The following TMOD3 variants were observed in gnomAD, a reference collection of about 807,000 sequenced individuals.
The protein encoded by TMOD3 is tropomodulin-3.
A neutral mutation model predicts 39.2 loss-of-function variants in TMOD3; 20 were observed. The observed-to-expected ratio is 0.51, with a 90% confidence interval of 0.36 to 0.74. The LOEUF is 0.74. Among genes scored for constraint, TMOD3 ranks in the 30% least tolerant of loss-of-function variants. The pLI, the probability that TMOD3 is intolerant of heterozygous loss-of-function variation, is 0.00. For missense variants in TMOD3, 381 were observed against 412.8 expected, an observed-to-expected ratio of 0.92 and a Z score of 0.67; for synonymous variants, 143 against 145.8, an observed-to-expected ratio of 0.98 and a Z score of 0.14.
rs1248101316 is a variant in TMOD3, at chr15:51,885,300, T to TTTG, written c.284-2287_284-2286insGTT. On this transcript the variant is annotated intron_variant, in intron 3 of 9. Transcript: ENST00000308580. ...TTCTTTTTTCTTTTTTTTTTTTTTT[T>TTTG]TTAGTATTTATTGATCATTCTTGGG... Among the ~76,000 whole-genome samples, 449 of 150,636 alleles carry TTTG rather than the reference T, an allele frequency of 3.0e-3. 13 individuals are homozygous for TTTG. In the East Asian group the frequency reaches 0.061, roughly 21 times the overall value.
Position 51,908,841 on chromosome 15 carries a change from C to T in TMOD3, c.*31C>T, listed in dbSNP as rs759290865. Reference sequence around the variant, plus strand: ...CAAAGGTGTAATCTTTGGAAGACTTCAGAAGATCACCAAGGGCTCATGTTG... The same window carrying T: ...CAAAGGTGTAATCTTTGGAAGACTTTAGAAGATCACCAAGGGCTCATGTTG... On this transcript the variant is annotated 3_prime_UTR_variant, in exon 10 of 10. Transcript: ENST00000308580. The T allele has an allele frequency of 2.5e-6, 4 of 1,581,412 alleles. No individual in the cohort carries two copies. Among genetic ancestry groups the T allele is most frequent in the South Asian group, 2.4e-5 (2 of 83,892 alleles).
intron 1 of TMOD3, among the ~76,000 whole-genome samples, chr15:51,856,096 C>T (rs1254317049): frequency 6.6e-6 from 1 of 152,124 alleles, no homozygotes; most frequent in Admixed American, 6.5e-5. Context: ...AACACTGTCT[C>T]TACAAAAAAT....
At chr15:51,878,987 A>G (rs1251610552) in intron 3 of TMOD3, among the ~76,000 whole-genome samples, 4 of 152,186 alleles carry the variant, frequency 2.6e-5, no homozygotes, top group African/African-American at 9.7e-5. Flanking sequence ...AATTCTTAAC[A>G]TTTGTTGCAG....
intron 1 of TMOD3, among the ~76,000 whole-genome samples, chr15:51,844,903 T>C (rs965262232): frequency 3.3e-5 from 5 of 152,220 alleles, no homozygotes; most frequent in African/African-American, 1.2e-4. Context: ...CTTAACAACA[T>C]TGGCTCATGC....
At chr15:51,905,380 G>T (rs1490096105) in intron 9 of TMOD3, among the ~76,000 whole-genome samples, 2 of 152,048 alleles carry the variant, frequency 1.3e-5, no homozygotes, top group East Asian at 3.9e-4. Context: ...CTAGCTACTC[G>T]GGAGGGTGAG....
intron 3 of TMOD3, among the ~76,000 whole-genome samples, chr15:51,869,817 A>T (rs576153853): frequency 1.5e-3 from 221 of 152,326 alleles, no homozygotes; most frequent in Non-Finnish European, 2.4e-3. Context: ...CATGGTTATG[A>T]TTGCTAATGC....
At chr15:51,842,446 A>G (rs1279944968) in intron 1 of TMOD3, among the ~76,000 whole-genome samples, 1 of 152,176 alleles carries the variant, frequency 6.6e-6, no homozygotes, top group African/African-American at 2.4e-5. Context: ...TGTGTAAGTC[A>G]TCTTGCCCTT....
At chr15:51,851,887 G>A (rs983641972) in intron 1 of TMOD3, among the ~76,000 whole-genome samples, 13 of 152,144 alleles carry the variant, frequency 8.5e-5, no homozygotes, top group East Asian at 1.9e-4. Context: ...AGCTATTAGC[G>A]TAGTCCTAGG....
Position 51,910,420 on chromosome 15 carries a change from C to G in TMOD3, c.*1610C>G, listed in dbSNP as rs1364462646. ...GTGAAACCCTGTCTCTACTAAAAAT[C>G]AAAAAAGTAGCCGGGTGTGGTGGTG... On this transcript the variant is annotated 3_prime_UTR_variant, in exon 10 of 10. Transcript: ENST00000308580. 1 of 152,062 alleles carries G rather than the reference C, an allele frequency of 6.6e-6. No homozygotes were observed. Among genetic ancestry groups the G allele is most frequent in the Non-Finnish European group, 1.5e-5 (1 of 68,080 alleles). The allele number at this position is 152,062 out of a possible 1,614,324, so 9.4% of individuals were successfully genotyped here. A position where few individuals can be genotyped will look rare whatever the true frequency, so the allele number is the denominator to read the frequency against.
intron 1 of TMOD3, among the ~76,000 whole-genome samples, chr15:51,847,070 A>G (rs1018425310): frequency 1.3e-5 from 2 of 152,134 alleles, no homozygotes; most frequent in East Asian, 3.9e-4. Context: ...CTGGTTTGCT[A>G]CTATTCGTCA....
intron 7 of TMOD3, among the ~76,000 whole-genome samples, chr15:51,897,567 C>G (rs1325225674): frequency 6.7e-6 from 1 of 149,396 alleles, no homozygotes; most frequent in African/African-American, 2.5e-5. Context: ...TCACTGCAAC[C>G]TCCGCCTCCC....
At chr15:51,846,030 T>C (rs957100576) in intron 1 of TMOD3, among the ~76,000 whole-genome samples, 3 of 151,772 alleles carry the variant, frequency 2.0e-5, no homozygotes, top group Admixed American at 1.3e-4. Context: ...AAAAGTACAC[T>C]ACTGACTGAG....
At chr15:51,864,196 G>T (rs1442104882) in intron 2 of TMOD3, among the ~76,000 whole-genome samples, 1 of 150,800 alleles carries the variant, frequency 6.6e-6, no homozygotes, top group Non-Finnish European at 1.5e-5. Flanking sequence ...AGCCAGAGAG[G>T]TGGAAGTTGC....
intron 1 of TMOD3, among the ~76,000 whole-genome samples, chr15:51,856,460 A>G (rs2056388155): frequency 6.6e-6 from 1 of 152,190 alleles, no homozygotes; most frequent in Non-Finnish European, 1.5e-5. Context: ...GGAAAGGAAA[A>G]CCTAGCTAAA....
chr15:51,841,662 T>C (rs2056313229), intron 1 of TMOD3, among the ~76,000 whole-genome samples: 1 of 152,234 alleles, frequency 6.6e-6, no homozygotes, highest in Non-Finnish European at 1.5e-5. Context: ...TTAATTTGTT[T>C]TTCTTTCTGC....
intron 1 of TMOD3, chr15:51,859,554 G>T: frequency 1.6e-6 from 1 of 612,558 alleles, no homozygotes; most frequent in South Asian, 1.4e-5. Flanking sequence ...ATCCTTCAGG[G>T]TTACTGAGTT....
At chr15:51,855,193 ATGTAGT>A (rs1262129791) in intron 1 of TMOD3, among the ~76,000 whole-genome samples, 1 of 152,242 alleles carries the variant, frequency 6.6e-6, no homozygotes, top group Admixed American at 6.5e-5. Context: ...ACAGTATGAG[ATGTAGT>A]TGTCAGAACT....
At chr15:51,830,889 CAT>C (rs2056251666) in intron 1 of TMOD3, among the ~76,000 whole-genome samples, 1 of 152,172 alleles carries the variant, frequency 6.6e-6, no homozygotes. Context: ...AGTCAGCAAT[CAT>C]AATAGTTACA....
chr15:51,847,296 G>T (rs867646740), intron 1 of TMOD3, among the ~76,000 whole-genome samples: 2 of 152,248 alleles, frequency 1.3e-5, no homozygotes, highest in South Asian at 2.1e-4. Context: ...TTTCTGCACT[G>T]CCTTCAGATT....
Sources: gnomAD v4.1 joint callset for allele counts (sites outside exome capture counted in the v4.1 genomes callset) on GRCh38, gnomAD v4.1.1 for gene constraint, MANE v1.5 for transcripts, NCBI Gene and HGNC (gene_info 2026-07-23, HGNC 2026-07-21) for gene names.